ASAP1: variants seen among roughly 807,000 people sequenced by gnomAD.
ASAP1 encodes the protein ArfGAP with SH3 domain, ankyrin repeat and PH domain 1, also known as arf-GAP with SH3 domain, ANK repeat and PH domain-containing protein 1.
ASAP1 carries 43 observed loss-of-function variants against 145.2 expected under a neutral mutation model. The observed-to-expected ratio is 0.30, with a 90% CI of 0.23 to 0.38. The LOEUF is 0.38. Ranked by LOEUF, ASAP1 falls within the 10% of genes least tolerant of loss-of-function variation. ASAP1 has a pLI of 1.00. For synonymous variants in ASAP1, 546 were observed against 515.5 expected (o/e 1.06, Z -0.80); for missense variants, 1,018 against 1,355.3 (o/e 0.75, Z 3.91).
At chr8:130,282,363 G>C (rs978085586) in intron 3 of ASAP1, among the ~76,000 whole-genome samples, 1 of 152,058 alleles carries the variant, frequency 6.6e-6, no homozygotes, top group Non-Finnish European at 1.5e-5. Flanking sequence ...ACTACAAATC[G>C]CTTTTGCATT....
chr8:130,202,874 G>T (rs1815958421), intron 5 of ASAP1, among the ~76,000 whole-genome samples: 1 of 152,064 alleles, frequency 6.6e-6, no homozygotes, highest in South Asian at 2.1e-4. Context: ...TCAATGAAAA[G>T]ATCCACTCAT....
At chr8:130,113,461 T>G (rs971997247) in intron 23 of ASAP1, among the ~76,000 whole-genome samples, 6 of 152,234 alleles carry the variant, frequency 3.9e-5, no homozygotes, top group African/African-American at 1.4e-4. Context: ...CTCTCAGGAA[T>G]TTTTCCATAC....
chr8:130,248,009 T>G (rs888550033), intron 3 of ASAP1, among the ~76,000 whole-genome samples: 4 of 152,266 alleles, frequency 2.6e-5, no homozygotes, highest in Admixed American at 2.0e-4. Flanking sequence ...TTTAAAATAC[T>G]GGTGACTTAC....
At chr8:130,320,640 A>T (rs1823944607) in intron 3 of ASAP1, among the ~76,000 whole-genome samples, 1 of 37,994 alleles carries the variant, frequency 2.6e-5, no homozygotes, top group African/African-American at 1.5e-4. Flanking sequence ...AAGGAGGAAG[A>T]GTTAAAAATG....
intron 15 of ASAP1, among the ~76,000 whole-genome samples, chr8:130,129,250 A>G (rs574876748): frequency 5.5e-4 from 84 of 152,360 alleles, no homozygotes; most frequent in African/African-American, 2.0e-3. Flanking sequence ...CCCAGTCTAC[A>G]GTATTTCCTT....
At chr8:130,306,601 T>C (rs1823006576) in intron 3 of ASAP1, among the ~76,000 whole-genome samples, 1 of 152,232 alleles carries the variant, frequency 6.6e-6, no homozygotes, top group Non-Finnish European at 1.5e-5. Flanking sequence ...AAGGGACAGA[T>C]GTTAATAACC....
intron 3 of ASAP1, among the ~76,000 whole-genome samples, chr8:130,313,754 A>C (rs1823498715): frequency 6.6e-6 from 1 of 152,236 alleles, no homozygotes. Flanking sequence ...CATGATCCAC[A>C]TTCTGCATGA....
At chr8:130,316,672 C>G (rs760853965) in intron 3 of ASAP1, among the ~76,000 whole-genome samples, 69 of 152,254 alleles carry the variant, frequency 4.5e-4, no homozygotes, top group East Asian at 1.9e-4. Context: ...GAGAGGTGAC[C>G]TTGAGGATGG....
At chr8:130,239,757 G>A (rs1818416574) in intron 3 of ASAP1, among the ~76,000 whole-genome samples, 1 of 152,086 alleles carries the variant, frequency 6.6e-6, no homozygotes, top group African/African-American at 2.4e-5. Context: ...GCTAAAAATA[G>A]TCATTAATTT....
At chr8:130,301,426 A>G (rs1263129482) in intron 3 of ASAP1, among the ~76,000 whole-genome samples, 3 of 152,194 alleles carry the variant, frequency 2.0e-5, no homozygotes, top group African/African-American at 7.2e-5. Flanking sequence ...GTGTTCTAGA[A>G]TGCTCTAAAG....
At chr8:130,431,019 G>A (rs1175788540) in intron 1 of ASAP1, among the ~76,000 whole-genome samples, 1 of 152,098 alleles carries the variant, frequency 6.6e-6, no homozygotes. Context: ...TCTAAGGGAC[G>A]CACACACTAG....
intron 3 of ASAP1, among the ~76,000 whole-genome samples, chr8:130,326,695 A>G (rs1824356070): frequency 6.6e-6 from 1 of 152,250 alleles, no homozygotes; most frequent in African/African-American, 2.4e-5. Context: ...AGGGTTCTAC[A>G]CTTTGAATGC....
At chr8:130,367,499 T>A (rs1827012622) in intron 2 of ASAP1, among the ~76,000 whole-genome samples, 1 of 152,210 alleles carries the variant, frequency 6.6e-6, no homozygotes, top group Non-Finnish European at 1.5e-5. Flanking sequence ...AAATGGTAGC[T>A]ATTTGTGACT....
At chr8:130,265,352 C>CT (rs1292336735) in intron 3 of ASAP1, among the ~76,000 whole-genome samples, 1 of 152,064 alleles carries the variant, frequency 6.6e-6, no homozygotes, top group Non-Finnish European at 1.5e-5. Flanking sequence ...GGGAGGACTG[C>CT]TTGAGCCCAG....
chr8:130,300,153 CAGAG>C lies in ASAP1; in HGVS notation c.186+57860_186+57863del, dbSNP rs369720584. The stretch of plus-strand genomic sequence containing the variant: ...ACACACACACACACACACACACACA[CAGAG>C]AGAGAGAGAGAGAGAGAGAGAGAGA... On this transcript the variant is annotated intron_variant, in intron 3 of 29. Transcript: ENST00000518721. 9.5e-3 allele frequency among the ~76,000 whole-genome samples: 728 copies of C among 76,854 alleles called. 5 individuals carry two copies. Among genetic ancestry groups the C allele is most frequent in the African/African-American group, 0.028 (517 of 18,450 alleles). 50.4% of individuals were successfully genotyped at this position (76,854 alleles called of 152,430 possible).
intron 3 of ASAP1, among the ~76,000 whole-genome samples, chr8:130,310,568 C>T (rs753819358): frequency 2.6e-5 from 4 of 152,004 alleles, no homozygotes; most frequent in Non-Finnish European, 4.4e-5. Context: ...GAGGATCATC[C>T]CTGAAAAGAT....
intron 3 of ASAP1, among the ~76,000 whole-genome samples, chr8:130,329,151 T>G (rs1371895247): frequency 6.6e-6 from 1 of 152,104 alleles, no homozygotes; most frequent in Non-Finnish European, 1.5e-5. Context: ...CTGTTCAAAA[T>G]CCAGCCTTAA....
At chr8:130,069,980 T>C (rs2097438976) in intron 27 of ASAP1, among the ~76,000 whole-genome samples, 1 of 151,992 alleles carries the variant, frequency 6.6e-6, no homozygotes, top group African/African-American at 2.4e-5. Flanking sequence ...AATGTAAGGG[T>C]TGATAGGATG....
chr8:130,267,325 C>T (rs538531692), intron 3 of ASAP1, among the ~76,000 whole-genome samples: 36 of 152,098 alleles, frequency 2.4e-4, no homozygotes, highest in African/African-American at 8.7e-4. Flanking sequence ...AATTCATGGA[C>T]CTTGAAGAAT....
Sources: gnomAD v4.1 joint callset for allele counts (sites outside exome capture counted in the v4.1 genomes callset) on GRCh38, gnomAD v4.1.1 for gene constraint, MANE v1.5 for transcripts, NCBI Gene and HGNC (gene_info 2026-07-23, HGNC 2026-07-21) for gene names.